The following XRN1 variants were observed in gnomAD, a reference collection of about 807,000 sequenced individuals.
XRN1 encodes 5'-3' exoribonuclease 1, also known as strand-exchange protein 1 homolog.
A neutral mutation model predicts 222.3 loss-of-function variants in XRN1; 67 were observed. The observed-to-expected ratio is 0.30, with a 90% CI of 0.25 to 0.37. The LOEUF is 0.37. XRN1 is among the 10% of genes least tolerant of loss of function. XRN1 has a pLI of 1.00. For synonymous variants in XRN1, 643 were observed against 652.4 expected (o/e 0.99, Z 0.22); for missense variants, 1,707 against 2,000.2 (o/e 0.85, Z 2.80).
chr3:142,439,423 C>A lies in XRN1; in HGVS notation c.76-6530G>T, dbSNP rs138969916. ...GGTGCCGCAGACATCTGCTAACTTG[C>A]GTGCTAGAAGGACTAAGGAAAACTA... On this transcript the variant is annotated intron_variant, in intron 1 of 40. Transcript: ENST00000392981. 8.7e-3 allele frequency among the ~76,000 whole-genome samples: 1,327 copies of A among 152,278 alleles called. 14 individuals carry two copies. Among genetic ancestry groups the A allele is most frequent in the Middle Eastern group, 0.027 (8 of 294 alleles).
chr3:142,419,620 C>T (rs1252329919), intron 10 of XRN1, among the ~76,000 whole-genome samples: 1 of 152,090 alleles, frequency 6.6e-6, no homozygotes, highest in Non-Finnish European at 1.5e-5. Context: ...ACCAGCATTA[C>T]CAACATAGTG....
At position 142,310,929 on chromosome 3, in the gene XRN1, C is replaced by T. The variant is rs776099275; in HGVS notation, c.*582G>A. On this transcript the variant is annotated 3_prime_UTR_variant, in exon 41 of 41. Coordinates refer to ENST00000392981, the MANE Select transcript of XRN1 (RefSeq NM_001282857.2). ...GAATAAAGCAAAACTGGCAGCACCA[C>T]AACAAATGTGATCCTTTCACAGCAG... is the stretch of plus-strand genomic sequence containing the variant. 1 of 152,584 alleles carries T rather than the reference C, an allele frequency of 6.6e-6. No individual in the cohort carries two copies. The highest frequency in any genetic ancestry group is 1.5e-5 in the Non-Finnish European group (1 of 68,018). The allele number at this position is 152,584 out of a possible 1,614,324, so 9.5% of individuals were successfully genotyped here.
At chr3:142,334,357 A>G (rs2065787130) in intron 34 of XRN1, among the ~76,000 whole-genome samples, 1 of 152,008 alleles carries the variant, frequency 6.6e-6, no homozygotes, top group South Asian at 2.1e-4. Context: ...TAAATTTAAT[A>G]TATTACTATA....
At chr3:142,387,294 A>C (rs1267705146) in intron 20 of XRN1, among the ~76,000 whole-genome samples, 1 of 152,220 alleles carries the variant, frequency 6.6e-6, no homozygotes, top group Admixed American at 6.5e-5. Context: ...TTACAAGTCA[A>C]AATGGTTATC....
chr3:142,320,428 GTTT>G (rs1470719989), intron 37 of XRN1, among the ~76,000 whole-genome samples: 1 of 151,994 alleles, frequency 6.6e-6, no homozygotes, highest in Non-Finnish European at 1.5e-5. Flanking sequence ...GGGGTTATCT[GTTT>G]TTTACTTGTT....
intron 33 of XRN1, among the ~76,000 whole-genome samples, chr3:142,345,623 G>GA (rs780524179): frequency 3.9e-5 from 6 of 152,190 alleles, no homozygotes; most frequent in Admixed American, 6.5e-5. Flanking sequence ...AAAACCCACA[G>GA]AATGGGAGAA....
chr3:142,332,432 A>G lies in XRN1; in HGVS notation c.4165T>C (p.Ser1389Pro), dbSNP rs1560296269. ...AATCCATATTCATCTCTTCTGTTAG[A>G]GGAAACAGGGATTTCATTAGCAATC... ...KQIANEIPVS[S>P]NRRDEYGLPS... Residue 1389 changes from serine (S) to proline (P), a missense_variant, in exon 36 of 41, where the codon TCT becomes CCT. Transcript: ENST00000392981. 2 of 1,613,260 alleles carry G rather than the reference A, an allele frequency of 1.2e-6. No homozygotes were observed.
At chr3:142,360,622 T>G (rs2066591467) in intron 29 of XRN1, among the ~76,000 whole-genome samples, 1 of 151,826 alleles carries the variant, frequency 6.6e-6, no homozygotes, top group African/African-American at 2.4e-5. Flanking sequence ...CCCAGCACTT[T>G]GGGAGGCCGA....
intron 23 of XRN1, among the ~76,000 whole-genome samples, chr3:142,378,652 A>G (rs935931865): frequency 5.3e-5 from 8 of 151,982 alleles, no homozygotes; most frequent in African/African-American, 1.7e-4. Context: ...AGAAGGTCTA[A>G]GATTGAACTA....
chr3:142,446,540 G>A (rs1016551741), intron 1 of XRN1, among the ~76,000 whole-genome samples: 1 of 152,146 alleles, frequency 6.6e-6, no homozygotes, highest in African/African-American at 2.4e-5. Flanking sequence ...CAAATTCTGT[G>A]CCACAGACTA....
intron 32 of XRN1, among the ~76,000 whole-genome samples, chr3:142,348,849 A>G (rs1482655422): frequency 1.3e-5 from 2 of 152,206 alleles, no homozygotes; most frequent in African/African-American, 4.8e-5. Context: ...TATGTTGCCC[A>G]GGCTGGTGTC....
chr3:142,328,011 A>C (rs549045893), intron 37 of XRN1, among the ~76,000 whole-genome samples: 96 of 152,272 alleles, frequency 6.3e-4, no homozygotes, highest in African/African-American at 2.3e-3. Context: ...TCTTTTTTAA[A>C]ATGTCTGAAC....
At chr3:142,368,142 A>C (rs966347416) in intron 27 of XRN1, among the ~76,000 whole-genome samples, 5 of 151,216 alleles carry the variant, frequency 3.3e-5, no homozygotes, top group African/African-American at 7.3e-5. Flanking sequence ...TAAACATATA[A>C]ATTTAACACA....
chr3:142,334,767 T>TATAC (rs1553854130), intron 34 of XRN1, among the ~76,000 whole-genome samples: 1 of 90,350 alleles, frequency 1.1e-5, no homozygotes, highest in African/African-American at 3.5e-5. Flanking sequence ...TGTCTATGTA[T>TATAC]ACACACACAC....
intron 1 of XRN1, among the ~76,000 whole-genome samples, chr3:142,437,623 A>G (rs1398855240): frequency 6.6e-6 from 1 of 152,230 alleles, no homozygotes; most frequent in Non-Finnish European, 1.5e-5. Flanking sequence ...TCTCTAGGAC[A>G]TTGGTCTGGG....
Position 142,415,667 on chromosome 3 carries a change from T to A in XRN1, c.1437-1376A>T, listed in dbSNP as rs183309049. Among the ~76,000 whole-genome samples, 180 of 152,296 alleles carry A rather than the reference T, an allele frequency of 1.2e-3. 1 individual carries two copies. The highest frequency in any genetic ancestry group is 4.1e-3 in the African/African-American group (169 of 41,562). On this transcript the variant is annotated intron_variant, in intron 13 of 40. Coordinates refer to ENST00000392981, the MANE Select transcript of XRN1 (RefSeq NM_001282857.2). ...TTGCTCCTCAGAGAGGCCCTGAGAA[T>A]CAGGTGATTATAAAACTTTTTTCAA...
At chr3:142,411,967 C>A (rs186020323) in intron 15 of XRN1, among the ~76,000 whole-genome samples, 92 of 152,042 alleles carry the variant, frequency 6.1e-4, no homozygotes, top group Non-Finnish European at 2.4e-4. Context: ...GGACTACAGG[C>A]GCCCGCCACC....
chr3:142,333,858 T>C (rs2065772799), intron 34 of XRN1, among the ~76,000 whole-genome samples: 1 of 152,234 alleles, frequency 6.6e-6, no homozygotes, highest in African/African-American at 2.4e-5. Context: ...ATTCTAACTG[T>C]ATTTCAATAT....
intron 15 of XRN1, among the ~76,000 whole-genome samples, chr3:142,411,913 C>CG (rs1249269108): frequency 6.6e-6 from 1 of 151,702 alleles, no homozygotes; most frequent in African/African-American, 2.4e-5. Flanking sequence ...GCTCCGCCCC[C>CG]GGGGGTTCAC....
Sources: gnomAD v4.1 joint callset for allele counts (sites outside exome capture counted in the v4.1 genomes callset) on GRCh38, gnomAD v4.1.1 for gene constraint, MANE v1.5 for transcripts, NCBI Gene and HGNC (gene_info 2026-07-23, HGNC 2026-07-21) for gene names.